Variants in VAV3 observed in about 807,000 individuals in gnomAD.
VAV3 encodes vav guanine nucleotide exchange factor 3, also known as guanine nucleotide exchange factor VAV3.
In VAV3, 94 loss-of-function variants were observed where a neutral mutation model predicts 131.2. That is an observed-to-expected ratio of 0.72 (90% CI 0.61 to 0.85). The LOEUF is 0.85. Ranked by LOEUF, VAV3 falls within the 40% of genes least tolerant of loss-of-function variation. The probability of loss-of-function intolerance (pLI) is 0.00; values close to 1 mark genes in which losing one functional copy is unlikely to be tolerated. For missense variants in VAV3, 939 were observed against 1,002.7 expected (o/e 0.94, Z 0.86); for synonymous variants, 349 against 342.0 (o/e 1.02, Z -0.22).
At chr1:107,771,286 T>C (rs905262139) in intron 5 of VAV3, among the ~76,000 whole-genome samples, 4 of 149,790 alleles carry the variant, frequency 2.7e-5, no homozygotes, top group Non-Finnish European at 4.4e-5. Flanking sequence ...AGAGTCTCGC[T>C]CTGTCGCCCA....
chr1:107,630,348 A>AGGATGGATGGATGGATGGATGGAT lies in VAV3; in HGVS notation c.1914+12247_1914+12270dup, dbSNP rs112495050. Among the ~76,000 whole-genome samples, 575 of 150,786 alleles carry AGGATGGATGGATGGATGGATGGAT rather than the reference A, an allele frequency of 3.8e-3. 3 individuals carry two copies. The highest frequency in any genetic ancestry group is 0.01 in the African/African-American group (414 of 41,016). The stretch of plus-strand genomic sequence containing the variant: ...ATAAAAAGATGGAAGAATGGATGGG[A>AGGATGGATGGATGGATGGATGGAT]GGATGGATGGATGGATGGATGGATG... On this transcript the variant is annotated intron_variant, in intron 20 of 26. Coordinates refer to ENST00000370056, the MANE Select transcript of VAV3 (RefSeq NM_006113.5).
intron 2 of VAV3, among the ~76,000 whole-genome samples, chr1:107,814,008 GTGTGTGTA>G (rs1313675832): frequency 1.4e-5 from 2 of 143,782 alleles, no homozygotes; most frequent in East Asian, 2.3e-4. Context: ...GTGTGTGTGT[GTGTGTGTA>G]TACACACCAT....
chr1:107,840,867 A>G (rs140829956), intron 2 of VAV3, among the ~76,000 whole-genome samples: 43 of 152,196 alleles, frequency 2.8e-4, no homozygotes, highest in African/African-American at 8.7e-4. Context: ...ACTATAAACC[A>G]CTGGAAGGAA....
chr1:107,910,360 TC>T (rs1423370112), intron 1 of VAV3, among the ~76,000 whole-genome samples: 1 of 152,146 alleles, frequency 6.6e-6, no homozygotes, highest in Non-Finnish European at 1.5e-5. Flanking sequence ...AAGAAGACAA[TC>T]ACATACTTTT....
At chr1:107,793,563 C>T (rs17484815) in intron 2 of VAV3, among the ~76,000 whole-genome samples, 46,431 of 151,916 alleles carry the variant, frequency 0.31, 7,736 homozygotes, top group Non-Finnish European at 0.37. Context: ...AACAAGGGAA[C>T]GGCTGAGTGG....
At chr1:107,574,963 C>CTCTCTGTGTGTG (rs1304869776) in intron 25 of VAV3, among the ~76,000 whole-genome samples, 4 of 81,174 alleles carry the variant, frequency 4.9e-5, no homozygotes, top group African/African-American at 1.8e-4. Flanking sequence ...TTGAGTTTCT[C>CTCTCTGTGTGTG]TGTGTGTGTG....
At position 107,610,570 on chromosome 1, in the gene VAV3, A is replaced by G. The variant is rs1652650465; in HGVS notation, c.1981-605T>C. ...ATAAATTCCAAATTCTGATTTAAAA[A>G]TCTACCAACTAAGAACCTTTTATTC... On this transcript the variant is annotated intron_variant, in intron 21 of 26. Coordinates refer to ENST00000370056, the MANE Select transcript of VAV3 (RefSeq NM_006113.5). Among the ~76,000 whole-genome samples, 3 of 152,158 alleles carry G rather than the reference A, an allele frequency of 2.0e-5. No individual in the cohort carries two copies. The South Asian group carries it at 6.2e-4, about 31-fold the overall frequency.
At chr1:107,648,101 C>T (rs1489597426) in intron 19 of VAV3, among the ~76,000 whole-genome samples, 1 of 151,990 alleles carries the variant, frequency 6.6e-6, no homozygotes, top group African/African-American at 2.4e-5. Context: ...ACTGACTGTT[C>T]ACAAAGGGAA....
At chr1:107,888,214 A>T (rs1487508441) in intron 1 of VAV3, among the ~76,000 whole-genome samples, 3 of 152,224 alleles carry the variant, frequency 2.0e-5, no homozygotes, top group Non-Finnish European at 4.4e-5. Flanking sequence ...CTGTAGTGCA[A>T]CTAAAAACAA....
chr1:107,919,930 A>G (rs1243645075), intron 1 of VAV3, among the ~76,000 whole-genome samples: 1 of 152,204 alleles, frequency 6.6e-6, no homozygotes. Flanking sequence ...AGAGAAAATT[A>G]ACACTGGTTT....
chr1:107,714,101 A>G lies in VAV3; in HGVS notation c.1503-9040T>C, dbSNP rs567403838. Among the ~76,000 whole-genome samples, 16 of 152,226 alleles carry G rather than the reference A, an allele frequency of 1.1e-4. No individual in the cohort carries two copies. The South Asian group carries it at 3.3e-3, about 32-fold the overall frequency. On this transcript the variant is annotated intron_variant, in intron 15 of 26. Transcript: ENST00000370056. ...ATCAAAACTAAAGATAAAACAGATAAATATGCAAATCCTGGAGACCAAAGG... is the reference window on the plus strand; with the variant it reads ...ATCAAAACTAAAGATAAAACAGATAGATATGCAAATCCTGGAGACCAAAGG...
chr1:107,671,638 A>C (rs900124260), intron 19 of VAV3, among the ~76,000 whole-genome samples: 2 of 152,190 alleles, frequency 1.3e-5, no homozygotes, highest in Non-Finnish European at 2.9e-5. Flanking sequence ...TTGTAAAATA[A>C]AGGGAGACAC....
chr1:107,630,187 T>C (rs771789471), intron 20 of VAV3, among the ~76,000 whole-genome samples: 3 of 152,198 alleles, frequency 2.0e-5, no homozygotes, highest in Non-Finnish European at 4.4e-5. Flanking sequence ...TTACCTATCC[T>C]GAGTTCTGAT....
chr1:107,730,638 T>C (rs1662180961), intron 15 of VAV3, among the ~76,000 whole-genome samples: 1 of 152,256 alleles, frequency 6.6e-6, no homozygotes, highest in African/African-American at 2.4e-5. Flanking sequence ...TCCTTACAGA[T>C]GGTTGTTAAT....
At chr1:107,796,979 T>A (rs978413543) in intron 2 of VAV3, among the ~76,000 whole-genome samples, 1 of 152,050 alleles carries the variant, frequency 6.6e-6, no homozygotes, top group African/African-American at 2.4e-5. Context: ...ATAATTTTTT[T>A]AAATAAGTGA....
At chr1:107,611,940 A>G (rs1193416074) in intron 21 of VAV3, among the ~76,000 whole-genome samples, 1 of 152,068 alleles carries the variant, frequency 6.6e-6, no homozygotes, top group East Asian at 1.9e-4. Context: ...CTTGTCTGGC[A>G]AGTACTTCAT....
At chr1:107,907,008 ACT>A (rs1448460700) in intron 1 of VAV3, among the ~76,000 whole-genome samples, 3 of 152,056 alleles carry the variant, frequency 2.0e-5, no homozygotes, top group African/African-American at 7.2e-5. Context: ...AGGATTAAGG[ACT>A]CTCAATGCAA....
intron 21 of VAV3, among the ~76,000 whole-genome samples, chr1:107,613,155 T>A (rs527493906): frequency 4.6e-5 from 7 of 152,272 alleles, no homozygotes; most frequent in African/African-American, 1.7e-4. Context: ...TTATAGATAA[T>A]CTGTCTTTTC....
chr1:107,644,470 T>A (rs751762277), intron 19 of VAV3, among the ~76,000 whole-genome samples: 2 of 152,100 alleles, frequency 1.3e-5, no homozygotes, highest in Non-Finnish European at 2.9e-5. Context: ...GTTTTAAATA[T>A]AGGCGGAAGT....
Sources: gnomAD v4.1 joint callset for allele counts (sites outside exome capture counted in the v4.1 genomes callset) on GRCh38, gnomAD v4.1.1 for gene constraint, MANE v1.5 for transcripts, NCBI Gene and HGNC (gene_info 2026-07-23, HGNC 2026-07-21) for gene names.